Variants in IGSF21 observed in about 807,000 individuals in gnomAD.
IGSF21 encodes immunoglobulin superfamily member 21.
A neutral mutation model predicts 46.8 loss-of-function variants in IGSF21; 28 were observed. The observed-to-expected ratio is 0.60, with a 90% CI of 0.44 to 0.82. The LOEUF is 0.82. Among genes scored for constraint, IGSF21 ranks in the 40% least tolerant of loss-of-function variants. IGSF21 has a pLI of 0.00. For missense variants in IGSF21, 624 were observed against 665.5 expected (o/e 0.94, Z 0.69); for synonymous variants, 284 against 273.6 (o/e 1.04, Z -0.38).
chr1:18,289,235 T>C (rs1380206125), intron 2 of IGSF21, among the ~76,000 whole-genome samples: 1 of 152,178 alleles, frequency 6.6e-6, no homozygotes, highest in Non-Finnish European at 1.5e-5. Context: ...AAGCAGTACC[T>C]GAAGGGAGGT....
chr1:18,214,941 C>A (rs959392352), intron 1 of IGSF21, among the ~76,000 whole-genome samples: 2 of 152,168 alleles, frequency 1.3e-5, no homozygotes, highest in Admixed American at 1.3e-4. Context: ...GGGGTTTCAC[C>A]ATGTTGGGCA....
chr1:18,252,287 G>T (rs939219455), intron 2 of IGSF21, among the ~76,000 whole-genome samples: 3 of 151,802 alleles, frequency 2.0e-5, no homozygotes, highest in African/African-American at 4.8e-5. Context: ...CTGACCTCGC[G>T]ATCCACCCAC....
chr1:18,202,664 A>G (rs775366187), intron 1 of IGSF21, among the ~76,000 whole-genome samples: 8 of 152,194 alleles, frequency 5.3e-5, no homozygotes, highest in Non-Finnish European at 1.2e-4. Flanking sequence ...TATCATGAGA[A>G]CAGTATGGGG....
At chr1:18,164,651 G>A (rs1290437410) in intron 1 of IGSF21, among the ~76,000 whole-genome samples, 1 of 151,900 alleles carries the variant, frequency 6.6e-6, no homozygotes, top group Non-Finnish European at 1.5e-5. Flanking sequence ...ATATATTGAT[G>A]GGCAATTTGT....
Position 18,334,956 on chromosome 1 carries a change from G to T in IGSF21, c.370G>T (p.Ala124Ser). The T allele has an allele frequency of 6.2e-7, 1 of 1,614,142 alleles. No homozygotes were observed. ...YECHVGIYDR[A>S]TREKVVLASG... Reference sequence around the variant, plus strand: ...GTGCCATGTGGGCATCTACGACCGCGCCACCAGGGAGAAGGTGGTCCTGGC... The same window carrying T: ...GTGCCATGTGGGCATCTACGACCGCTCCACCAGGGAGAAGGTGGTCCTGGC... Residue 124 changes from alanine (A) to serine (S), a missense_variant, in exon 4 of 10, where the codon GCC (alanine) becomes TCC (serine). Coordinates refer to ENST00000251296, the MANE Select transcript of IGSF21 (RefSeq NM_032880.5). This position sits in a 1 kb window ranked among gnomAD's most constrained non-coding sequence, Gnocchi z 4.3.
intron 3 of IGSF21, among the ~76,000 whole-genome samples, chr1:18,305,355 A>G (rs1304559760): frequency 2.7e-5 from 4 of 149,632 alleles, no homozygotes; most frequent in Non-Finnish European, 1.5e-5. Context: ...GGATAGATGG[A>G]TAGATGCATG....
At chr1:18,315,335 C>T (rs927829484) in intron 3 of IGSF21, among the ~76,000 whole-genome samples, 29 of 152,292 alleles carry the variant, frequency 1.9e-4, no homozygotes, top group African/African-American at 7.0e-4. Context: ...TCTACCAGCA[C>T]CCCAGATGCC....
rs1458570805 is a variant in IGSF21, at chr1:18,243,650, C to T, written c.183+15640C>T. Among the ~76,000 whole-genome samples, 5 of 152,168 alleles carry T rather than the reference C, an allele frequency of 3.3e-5. No homozygotes were observed. In the East Asian group the frequency reaches 5.8e-4, roughly 18 times the overall value. ...ACAATAAAACCCGGGAGGCACCACC[C>T]GGTCTGGCACTGCCCCTTTCTGGCC... is the stretch of plus-strand genomic sequence containing the variant. On this transcript the variant is annotated intron_variant, in intron 2 of 9. Coordinates refer to ENST00000251296, the MANE Select transcript of IGSF21 (RefSeq NM_032880.5).
At chr1:18,369,740 G>A (rs1316955970) in intron 6 of IGSF21, among the ~76,000 whole-genome samples, 1 of 152,180 alleles carries the variant, frequency 6.6e-6, no homozygotes, top group Admixed American at 6.5e-5. Flanking sequence ...CCTGCAATGA[G>A]CCTTCGCTCC....
At chr1:18,370,782 A>T (rs1405259496) in intron 6 of IGSF21, among the ~76,000 whole-genome samples, 1 of 152,200 alleles carries the variant, frequency 6.6e-6, no homozygotes, top group Non-Finnish European at 1.5e-5. Context: ...CCAATTTTTT[A>T]AAAAAGAAAA....
At chr1:18,281,477 A>G (rs924472575) in intron 2 of IGSF21, among the ~76,000 whole-genome samples, 2 of 151,700 alleles carry the variant, frequency 1.3e-5, no homozygotes, top group Non-Finnish European at 2.9e-5. Context: ...GAGGCAGGAG[A>G]ATTGCTTGAA....
chr1:18,108,338 G>A, intron 1 of IGSF21, 140 bp downstream of exon 1: 1 of 867,682 alleles, frequency 1.2e-6, no homozygotes, highest in East Asian at 3.7e-5. Context: ...GGAGCTGGTT[G>A]GCTCGATGAG....
intron 4 of IGSF21, among the ~76,000 whole-genome samples, chr1:18,338,417 G>A (rs973386366): frequency 1.3e-5 from 2 of 152,108 alleles, no homozygotes; most frequent in African/African-American, 2.4e-5. Flanking sequence ...TGTGCCACAC[G>A]GGACCCTAAG....
chr1:18,156,688 A>G (rs2086572908), intron 1 of IGSF21, among the ~76,000 whole-genome samples: 1 of 152,190 alleles, frequency 6.6e-6, no homozygotes, highest in Admixed American at 6.5e-5. Flanking sequence ...GAAGATTCCA[A>G]ACAAGTTGAG....
At chr1:18,127,957 A>G (rs1227952061) in intron 1 of IGSF21, among the ~76,000 whole-genome samples, 2 of 152,062 alleles carry the variant, frequency 1.3e-5, no homozygotes, top group Non-Finnish European at 2.9e-5. Flanking sequence ...AAAGCATCTG[A>G]CATCCATAAC....
chr1:18,131,354 CA>C (rs924126942), intron 1 of IGSF21, among the ~76,000 whole-genome samples: 17 of 152,158 alleles, frequency 1.1e-4, no homozygotes, highest in African/African-American at 3.9e-4. Context: ...CAGCTAGGAG[CA>C]CACTGTCATA....
chr1:18,307,677 A>T (rs942014662), intron 3 of IGSF21, among the ~76,000 whole-genome samples: 2 of 152,198 alleles, frequency 1.3e-5, no homozygotes, highest in African/African-American at 4.8e-5. Flanking sequence ...ACCCTTGGCC[A>T]CGTGCGGGCA....
chr1:18,350,892 G>A, intron 4 of IGSF21, among the ~76,000 whole-genome samples: 1 of 152,188 alleles, frequency 6.6e-6, no homozygotes, highest in Non-Finnish European at 1.5e-5. Flanking sequence ...AGTGCGGTGG[G>A]GGGTAGGGGC....
At position 18,227,050 on chromosome 1, in the gene IGSF21, A is replaced by T. The variant is rs141225221; in HGVS notation, c.71-848A>T. On this transcript the variant is annotated intron_variant, in intron 1 of 9. Coordinates refer to ENST00000251296, the MANE Select transcript of IGSF21 (RefSeq NM_032880.5). ...AAGAGTCCCAGCGTCTGCTCCAGGC[A>T]CTCCCAGGGGCAGCTGGTAGTAGTC... is the stretch of plus-strand genomic sequence containing the variant. Among the ~76,000 whole-genome samples the T allele has an allele frequency of 1.3e-3, 195 of 152,108 alleles. 1 individual carries two copies. Among genetic ancestry groups the T allele is most frequent in the East Asian group, 0.01 (52 of 5,162 alleles).
Sources: gnomAD v4.1 joint callset for allele counts (sites outside exome capture counted in the v4.1 genomes callset) on GRCh38, gnomAD v4.1.1 for gene constraint, Gnocchi (gnomAD v3.1) non-coding constraint, MANE v1.5 for transcripts, NCBI Gene and HGNC (gene_info 2026-07-23, HGNC 2026-07-21) for gene names.